WSCD1: variants seen among roughly 807,000 people sequenced by gnomAD.
WSCD1 encodes sialate:O-sulfotransferase 1.
A neutral mutation model predicts 60.4 loss-of-function variants in WSCD1; 41 were observed. The observed-to-expected ratio is 0.68, with a 90% CI of 0.53 to 0.88. The LOEUF (loss-of-function observed/expected upper bound fraction) is 0.88. Among genes scored for constraint, WSCD1 ranks in the 40% least tolerant of loss-of-function variants. WSCD1 has a pLI of 0.00. For missense variants in WSCD1, 784 were observed against 796.2 expected (o/e 0.98, Z 0.18); for synonymous variants, 361 against 332.5 (o/e 1.09, Z -0.93).
At chr17:6,078,759 C>T (rs1485920984) in intron 1 of WSCD1, among the ~76,000 whole-genome samples, 2 of 152,012 alleles carry the variant, frequency 1.3e-5, no homozygotes, top group Non-Finnish European at 1.5e-5. Flanking sequence ...TAAGCAGGGA[C>T]GCGCCATGAT....
At chr17:6,071,739 C>T (rs1908556387) in intron 1 of WSCD1, among the ~76,000 whole-genome samples, 1 of 152,198 alleles carries the variant, frequency 6.6e-6, no homozygotes, top group Admixed American at 6.5e-5. Context: ...CTGGCTTGCC[C>T]TGCGCTGTTT....
At chr17:6,093,531 G>C (rs536946829) in intron 4 of WSCD1, among the ~76,000 whole-genome samples, 1 of 152,262 alleles carries the variant, frequency 6.6e-6, no homozygotes, top group East Asian at 1.9e-4. Context: ...CCCATTGTCT[G>C]TTCTATCCCC....
intron 1 of WSCD1, among the ~76,000 whole-genome samples, chr17:6,077,270 G>A (rs966536897): frequency 1.3e-5 from 2 of 151,942 alleles, no homozygotes; most frequent in African/African-American, 4.8e-5. Flanking sequence ...TGTATTTTTA[G>A]TAGAGACGGG....
chr17:6,121,136 A>G lies in WSCD1; in HGVS notation c.*475A>G. On this transcript the variant is annotated 3_prime_UTR_variant, in exon 9 of 9. Coordinates refer to ENST00000317744, the MANE Select transcript of WSCD1 (RefSeq NM_015253.2). ...ATAGACTTGCTCGTCAGGGTGTTCG[A>G]CTCTGGGATGCTGGGCCGGGCAGAC... 1 of 169,250 alleles carries G rather than the reference A, an allele frequency of 5.9e-6. No homozygotes were observed. The highest frequency in any genetic ancestry group is 5.8e-5 in the Admixed American group (1 of 17,204). 10.5% of individuals were successfully genotyped at this position (169,250 alleles called of 1,614,324 possible).
At chr17:6,116,232 C>G (rs888240611) in intron 7 of WSCD1, among the ~76,000 whole-genome samples, 32 of 152,206 alleles carry the variant, frequency 2.1e-4, no homozygotes, top group Admixed American at 9.2e-4. Flanking sequence ...ATTCAAGCAG[C>G]TGGCTGTTTT....
Position 6,108,941 on chromosome 17 carries a change from G to C in WSCD1, c.850-666G>C, listed in dbSNP as rs552379990. ...GCTGAGCATCTTGGGTGGGAACAAA[G>C]TCTGTTCTTCTCCACCCCTTCCATC... On this transcript the variant is annotated intron_variant, in intron 5 of 8. Transcript: ENST00000317744. Among the ~76,000 whole-genome samples, 80 of 152,342 alleles carry C rather than the reference G, an allele frequency of 5.3e-4. 1 individual carries two copies. In the South Asian group the frequency reaches 0.016, roughly 31 times the overall value.
At chr17:6,073,586 T>C (rs1908673212) in intron 1 of WSCD1, among the ~76,000 whole-genome samples, 1 of 152,208 alleles carries the variant, frequency 6.6e-6, no homozygotes, top group African/African-American at 2.4e-5. Flanking sequence ...GCCAAGATCA[T>C]GCCACTACAT....
intron 7 of WSCD1, among the ~76,000 whole-genome samples, chr17:6,112,503 G>A (rs1396365278): frequency 6.6e-6 from 1 of 152,150 alleles, no homozygotes; most frequent in Non-Finnish European, 1.5e-5. Flanking sequence ...TGGGAAGGAG[G>A]AAGTCCACTT....
intron 1 of WSCD1, among the ~76,000 whole-genome samples, chr17:6,071,783 G>A (rs1443919800): frequency 1.3e-5 from 2 of 152,192 alleles, no homozygotes; most frequent in East Asian, 3.9e-4. Context: ...GCAGGTGCTG[G>A]GGAGAGAGCT....
Position 6,120,554 on chromosome 17 carries a change from T to C in WSCD1, c.1621T>C (p.Phe541Leu), listed in dbSNP as rs911896642. 1.9e-6 allele frequency: 3 copies of C among 1,613,806 alleles called. No individual in the cohort carries two copies. Among genetic ancestry groups the C allele is most frequent in the South Asian group, 2.2e-5 (2 of 91,086 alleles). Residue 541 changes from phenylalanine to leucine, a missense_variant, in exon 9 of 9, where the codon TTC (phenylalanine) becomes CTC (leucine). Coordinates refer to ENST00000317744, the MANE Select transcript of WSCD1 (RefSeq NM_015253.2). ...RGRRSHDPEPFTPEMKDLING... is the reference protein window; with the variant it reads ...RGRRSHDPEPLTPEMKDLING... Reference sequence around the variant, plus strand: ...CCGGCGCTCCCACGACCCTGAGCCCTTCACCCCGGAGATGAAAGACTTGAT... The same window carrying C: ...CCGGCGCTCCCACGACCCTGAGCCCCTCACCCCGGAGATGAAAGACTTGAT...
intron 5 of WSCD1, among the ~76,000 whole-genome samples, chr17:6,100,451 G>A (rs537221164): frequency 1.3e-4 from 20 of 152,368 alleles, no homozygotes; most frequent in African/African-American, 4.6e-4. Context: ...AACGGAGCGA[G>A]CCTTTGGCTC....
At chr17:6,085,172 T>G (rs1159384012) in intron 2 of WSCD1, among the ~76,000 whole-genome samples, 2 of 152,216 alleles carry the variant, frequency 1.3e-5, no homozygotes, top group African/African-American at 4.8e-5. Flanking sequence ...TGGCTGTTAT[T>G]TATTTGGACA....
chr17:6,080,133 A>G lies in WSCD1; in HGVS notation c.-288-238A>G, dbSNP rs1909128911. The G allele has an allele frequency of 6.3e-6, 1 of 157,840 alleles. No homozygotes were observed. Among genetic ancestry groups the G allele is most frequent in the Admixed American group, 6.5e-5 (1 of 15,352 alleles). 9.8% of individuals were successfully genotyped at this position (157,840 alleles called of 1,614,324 possible). A position where few individuals can be genotyped will look rare whatever the true frequency, so the allele number is the denominator to read the frequency against. On this transcript the variant is annotated intron_variant, in intron 1 of 8. Transcript: ENST00000317744. The surrounding 1 kb of genome is among the most constrained non-coding windows in gnomAD (Gnocchi z 6.6). ...ACTCCTCATTATTCCTCAAGGGGAG[A>G]GCTGTTGTCCCCATTTTACAGATGG...
In WSCD1 at chr17:6,101,474, C is replaced by A. The variant is rs1910796466; in HGVS notation, c.849+6251C>A. 6.6e-6 allele frequency among the ~76,000 whole-genome samples: 1 copy of A among 152,072 alleles called. No individual in the cohort carries two copies. On this transcript the variant is annotated intron_variant, in intron 5 of 8. Coordinates refer to ENST00000317744, the MANE Select transcript of WSCD1 (RefSeq NM_015253.2). The surrounding 1 kb of genome is among the most constrained non-coding windows in gnomAD (Gnocchi z 4.1). ...GAGGGGGTTCCTTGTAGTGCCCCCA[C>A]CTTTGAGCACCATCTGAGGCTTATT... is the stretch of plus-strand genomic sequence containing the variant.
chr17:6,086,367 G>A (rs1405241217), intron 2 of WSCD1, among the ~76,000 whole-genome samples: 2 of 149,974 alleles, frequency 1.3e-5, no homozygotes, highest in African/African-American at 4.9e-5. Context: ...ACAGAGTCTT[G>A]CTCTGTCACC....
chr17:6,097,014 G>A (rs1052697841), intron 5 of WSCD1, among the ~76,000 whole-genome samples: 1 of 152,226 alleles, frequency 6.6e-6, no homozygotes, highest in African/African-American at 2.4e-5. Flanking sequence ...GCGAGAGGCT[G>A]GGCAGGTGTG....
intron 2 of WSCD1, among the ~76,000 whole-genome samples, chr17:6,086,759 A>G (rs5023684): frequency 0.61 from 93,161 of 151,920 alleles, 28,878 homozygotes; most frequent in East Asian, 0.77. Context: ...GCCACTCAGC[A>G]GTGGCCCCAC....
intron 2 of WSCD1, among the ~76,000 whole-genome samples, chr17:6,084,466 G>C (rs947549969): frequency 4.6e-5 from 7 of 152,236 alleles, no homozygotes; most frequent in African/African-American, 1.7e-4. Flanking sequence ...CAAAGCGGGT[G>C]TCTCTTTGTG....
intron 1 of WSCD1, among the ~76,000 whole-genome samples, chr17:6,076,675 G>A (rs781068982): frequency 6.6e-6 from 1 of 152,212 alleles, no homozygotes; most frequent in Non-Finnish European, 1.5e-5. Flanking sequence ...CTTTGCTCGA[G>A]GTAGGTTTAC....
Sources: allele counts gnomAD v4.1 joint callset (sites outside exome capture counted in the v4.1 genomes callset), GRCh38; gene constraint gnomAD v4.1.1; non-coding constraint Gnocchi (gnomAD v3.1); transcripts MANE v1.5; gene names NCBI Gene and HGNC (gene_info 2026-07-23, HGNC 2026-07-21).